VIPR2: variants seen among roughly 807,000 people sequenced by gnomAD.
The protein encoded by VIPR2 is vasoactive intestinal peptide receptor 2, also known as vasoactive intestinal polypeptide receptor 2.
In VIPR2, 48 loss-of-function variants were observed where a neutral mutation model predicts 58.0. The observed-to-expected ratio is 0.83, with a 90% confidence interval of 0.66 to 1.05. VIPR2 has a LOEUF of 1.05. Among genes scored for constraint, VIPR2 ranks in the 50% least tolerant of loss-of-function variants. The pLI is 0.00. For missense variants in VIPR2, 534 were observed against 558.0 expected, an observed-to-expected ratio of 0.96 and a Z score of 0.43; for synonymous variants, 243 against 235.2, an observed-to-expected ratio of 1.03 and a Z score of -0.30.
intron 3 of VIPR2, among the ~76,000 whole-genome samples, chr7:159,108,035 T>G (rs1795838435): frequency 6.6e-6 from 1 of 152,220 alleles, no homozygotes; most frequent in South Asian, 2.1e-4. Flanking sequence ...GCAGAAATGA[T>G]TCCACGTGTG....
intron 5 of VIPR2, among the ~76,000 whole-genome samples, chr7:159,045,123 G>A (rs772250852): frequency 2.0e-4 from 30 of 152,180 alleles, no homozygotes; most frequent in Non-Finnish European, 4.4e-5. Context: ...GAGGTCAAAT[G>A]AAATTATCCA....
chr7:159,071,962 A>G (rs1856426049), intron 4 of VIPR2, among the ~76,000 whole-genome samples: 1 of 146,046 alleles, frequency 6.8e-6, no homozygotes, highest in Admixed American at 6.9e-5. Flanking sequence ...CCATGTCTCT[A>G]GGCTGGGAAC....
At chr7:159,142,010 C>T (rs797005994) in intron 2 of VIPR2, among the ~76,000 whole-genome samples, 8 of 152,244 alleles carry the variant, frequency 5.3e-5, no homozygotes, top group African/African-American at 1.7e-4. Context: ...TCAGCACAAC[C>T]AAAGTCCCAT....
chr7:159,043,255 A>T, intron 5 of VIPR2, 79 bp from the exon 6 acceptor site: 3 of 1,288,108 alleles, frequency 2.3e-6, no homozygotes, highest in Non-Finnish European at 3.2e-6. Flanking sequence ...GAGATGAGAA[A>T]CTCATACTAT....
At chr7:159,056,710 T>C (rs909510959) in intron 5 of VIPR2, among the ~76,000 whole-genome samples, 1 of 152,196 alleles carries the variant, frequency 6.6e-6, no homozygotes, top group African/African-American at 2.4e-5. Flanking sequence ...GGAGAAGAAA[T>C]GTTCAATGCC....
chr7:159,069,040 A>G (rs1856247081), intron 4 of VIPR2, among the ~76,000 whole-genome samples: 1 of 152,140 alleles, frequency 6.6e-6, no homozygotes, highest in Non-Finnish European at 1.5e-5. Context: ...GGCTTCACTG[A>G]GCCGCGTGAA....
chr7:159,130,931 C>A (rs1470449599), intron 2 of VIPR2, among the ~76,000 whole-genome samples: 1 of 152,178 alleles, frequency 6.6e-6, no homozygotes, highest in Non-Finnish European at 1.5e-5. Flanking sequence ...GCACTACAAA[C>A]GGCAGGATAC....
intron 2 of VIPR2, among the ~76,000 whole-genome samples, chr7:159,119,458 T>G (rs1796370176): frequency 6.6e-6 from 1 of 152,190 alleles, no homozygotes; most frequent in Non-Finnish European, 1.5e-5. Context: ...CTGTTCCCCC[T>G]GCACCTGTAG....
chr7:159,071,569 C>A lies in VIPR2; in HGVS notation c.358-12991G>T, dbSNP rs1409162083. Among the ~76,000 whole-genome samples the A allele has an allele frequency of 2.0e-5, 3 of 152,224 alleles. No individual in the cohort carries two copies. The East Asian group carries it at 5.8e-4, about 29-fold the overall frequency. ...CCCAAGGCCCAGGCCCCCTCCTTGT[C>A]CAGAACAGGAGTTCAATTCAGCGGT... is the stretch of plus-strand genomic sequence containing the variant. On this transcript the variant is annotated intron_variant, in intron 4 of 12. Transcript: ENST00000262178.
chr7:159,058,500 T>C lies in VIPR2; in HGVS notation c.436A>G (p.Ile146Val). 6.2e-7 allele frequency: 1 copy of C among 1,613,208 alleles called. No individual in the cohort carries two copies. Among genetic ancestry groups the C allele is most frequent in the African/African-American group, 1.3e-5 (1 of 75,074 alleles). ...VSLMSLATGS[I>V]ILCLFRKLHC... ...CCTTACCTGAAGAGGCACAGAATTA[T>C]GCTTCCTGTTGCAAGAGACATCAGA... is the stretch of plus-strand genomic sequence containing the variant. Residue 146 changes from isoleucine to valine, a missense_variant, in exon 5 of 13, where the codon ATA (isoleucine) becomes GTA (valine). Physicochemically the swap from Ile to Val is conservative, Grantham distance 29. This residue lies in a region of VIPR2 where 224 missense variants were observed against 255.7 expected (regional missense o/e 0.88). Coordinates refer to ENST00000262178, the MANE Select transcript of VIPR2 (RefSeq NM_003382.5).
chr7:159,036,955 G>A lies in VIPR2; in HGVS notation c.598-53C>T. 1.9e-6 allele frequency: 3 copies of A among 1,574,876 alleles called. No individual in the cohort carries two copies. The African/African-American group carries it at 4.0e-5, about 21-fold the overall frequency. ...AGCATGACCTCATCCGGTAACAGCA[G>A]CTACCAGCAGGCAGTGCCGCTCCAG... On this transcript the variant is annotated intron_variant, in intron 6 of 12. Coordinates refer to ENST00000262178, the MANE Select transcript of VIPR2 (RefSeq NM_003382.5).
intron 5 of VIPR2, among the ~76,000 whole-genome samples, chr7:159,053,373 T>C (rs1855118306): frequency 6.6e-6 from 1 of 152,168 alleles, no homozygotes; most frequent in African/African-American, 2.4e-5. Flanking sequence ...TGTGTAAGAC[T>C]TCCACTCGGA....
intron 5 of VIPR2, among the ~76,000 whole-genome samples, chr7:159,057,260 G>C (rs950822151): frequency 6.6e-6 from 1 of 152,018 alleles, no homozygotes; most frequent in Non-Finnish European, 1.5e-5. Context: ...AACATATATA[G>C]TAAATTATAC....
At chr7:159,106,440 CAGAGAGGCCAGGGAGGGGCAG>C (rs1858655774) in intron 3 of VIPR2, among the ~76,000 whole-genome samples, 1 of 139,326 alleles carries the variant, frequency 7.2e-6, no homozygotes, top group Non-Finnish European at 1.5e-5. Context: ...CAGGGAGGGG[CAGAGAGGCCAGGGAGGGGCAG>C]AGAGAGGCCA....
At chr7:159,101,104 A>G (rs1297880823) in intron 4 of VIPR2, among the ~76,000 whole-genome samples, 17 of 147,152 alleles carry the variant, frequency 1.2e-4, no homozygotes, top group Non-Finnish European at 2.5e-4. Context: ...ACGAGATCCG[A>G]CGAGGCGGTT....
intron 4 of VIPR2, among the ~76,000 whole-genome samples, chr7:159,086,529 C>A (rs1400215364): frequency 1.3e-5 from 2 of 152,214 alleles, no homozygotes; most frequent in African/African-American, 4.8e-5. Flanking sequence ...GAGGCTGGGG[C>A]CTGCATGGTT....
intron 2 of VIPR2, among the ~76,000 whole-genome samples, chr7:159,111,235 A>T (rs1795989259): frequency 1.3e-5 from 2 of 152,174 alleles, no homozygotes; most frequent in African/African-American, 4.8e-5. Flanking sequence ...GATGGAGAGG[A>T]AAGTGAAGAT....
In VIPR2 at chr7:159,030,756, G is replaced by A; in HGVS notation, c.1177C>T (p.Arg393Trp). The A allele has an allele frequency of 2.5e-6, 4 of 1,591,128 alleles. No individual in the cohort carries two copies. The highest frequency in any genetic ancestry group is 3.4e-6 in the Non-Finnish European group (4 of 1,170,556). ...CGGCTCGCGGACGGGGTCGGGCACCGGCTTCGCCATTTTCGCTTCAGCTCG... is the reference window on the plus strand; with the variant it reads ...CGGCTCGCGGACGGGGTCGGGCACCAGCTTCGCCATTTTCGCTTCAGCTCG... The part of the protein sequence containing the change: ...QCELKRKWRS[R>W]CPTPSASRDY... Residue 393 changes from arginine to tryptophan, a missense_variant, in exon 13 of 13, where the codon CGG becomes TGG. Arg to Trp is a moderately radical substitution (Grantham distance 101). Around this residue, in one of 3 missense-constraint regions of VIPR2, gnomAD observed 306 missense variants for 285.8 expected, o/e 1.07. Coordinates refer to ENST00000262178, the MANE Select transcript of VIPR2 (RefSeq NM_003382.5).
chr7:159,112,996 A>T (rs1169739937), intron 2 of VIPR2, among the ~76,000 whole-genome samples: 1 of 152,210 alleles, frequency 6.6e-6, no homozygotes, highest in African/African-American at 2.4e-5. Flanking sequence ...GCCTGGGGCC[A>T]GACCCCAGCT....
Sources: gnomAD v4.1 joint callset for allele counts (sites outside exome capture counted in the v4.1 genomes callset) on GRCh38, gnomAD v4.1.1 for gene constraint, gnomAD v4.1.1 regional missense constraint, MANE v1.5 for transcripts, NCBI Gene and HGNC (gene_info 2026-07-23, HGNC 2026-07-21) for gene names.